The following REDIC1 variants were observed in gnomAD, a reference collection of about 807,000 sequenced individuals.
REDIC1 encodes HEI10 Interacting Protein 1.
At chr12:39,663,401 C>T in the REDIC1 span, among the ~76,000 whole-genome samples, 5 of 151,966 alleles carry the variant, frequency 3.3e-5, no homozygotes, top group South Asian at 2.1e-4. Context: ...GACTTAAAGC[C>T]TGCTCACTTT....
the REDIC1 span, among the ~76,000 whole-genome samples, chr12:39,638,643 G>A: frequency 6.6e-6 from 1 of 151,970 alleles, no homozygotes; most frequent in Non-Finnish European, 1.5e-5. Context: ...ACAATATTTA[G>A]TTTATGTGGA....
At chr12:39,680,288 C>A in the REDIC1 span, among the ~76,000 whole-genome samples, 5 of 151,854 alleles carry the variant, frequency 3.3e-5, no homozygotes, top group Non-Finnish European at 1.5e-5. Context: ...AAGAAAAAAA[C>A]AAGTAATCCC....
the REDIC1 span, chr12:39,626,437 A>G: frequency 2.5e-6 from 4 of 1,579,352 alleles, no homozygotes; most frequent in African/African-American, 2.7e-5. Context: ...CGGAGAGGTC[A>G]CAGCCTTAGC....
At chr12:39,643,881 A>G in the REDIC1 span, 2 of 1,565,900 alleles carry the variant, frequency 1.3e-6, no homozygotes, top group Admixed American at 1.9e-5. Context: ...TAACCTATAT[A>G]TGGTAAATCA....
the REDIC1 span, among the ~76,000 whole-genome samples, chr12:39,790,569 A>G: frequency 1.4e-5 from 2 of 147,092 alleles, no homozygotes; most frequent in Admixed American, 6.8e-5. Context: ...TTATGGCTGC[A>G]TAGTATTCCA....
the REDIC1 span, among the ~76,000 whole-genome samples, chr12:39,718,148 C>T: frequency 6.6e-6 from 1 of 152,040 alleles, no homozygotes; most frequent in Non-Finnish European, 1.5e-5. Flanking sequence ...ATGGTATAAT[C>T]CTTCCAGAAT....
chr12:39,753,211 A>C, the REDIC1 span, among the ~76,000 whole-genome samples: 1 of 152,336 alleles, frequency 6.6e-6, no homozygotes, highest in African/African-American at 2.4e-5. Context: ...CAAAACATTA[A>C]AGGTTAAAAG....
the REDIC1 span, among the ~76,000 whole-genome samples, chr12:39,639,320 C>G: frequency 6.6e-6 from 1 of 151,954 alleles, no homozygotes; most frequent in Non-Finnish European, 1.5e-5. Flanking sequence ...GCTAATGAGT[C>G]AGCTGGACTC....
chr12:39,700,328 G>GA, the REDIC1 span, among the ~76,000 whole-genome samples: 1 of 152,208 alleles, frequency 6.6e-6, no homozygotes, highest in Non-Finnish European at 1.5e-5. Context: ...TCAACTGGAA[G>GA]AAAGGGTATC....
the REDIC1 span, among the ~76,000 whole-genome samples, chr12:39,714,058 C>G: frequency 1.3e-4 from 1 of 7,876 alleles, no homozygotes; most frequent in Admixed American, 1.7e-3. Flanking sequence ...TGTATATACA[C>G]GTATGTGTAT....
chr12:39,851,027 G>A, the REDIC1 span, among the ~76,000 whole-genome samples: 1 of 151,922 alleles, frequency 6.6e-6, no homozygotes, highest in East Asian at 1.9e-4. Flanking sequence ...AGCCTCCTGA[G>A]TAGCTGGGAT....
the REDIC1 span, among the ~76,000 whole-genome samples, chr12:39,665,769 T>A: frequency 2.6e-5 from 4 of 151,986 alleles, no homozygotes; most frequent in South Asian, 8.3e-4. Flanking sequence ...TTTGTAGTTC[T>A]CCTTGAAGAG....
the REDIC1 span, among the ~76,000 whole-genome samples, chr12:39,648,194 A>G: frequency 6.6e-6 from 1 of 152,042 alleles, no homozygotes; most frequent in Non-Finnish European, 1.5e-5. Flanking sequence ...TTTAAAAAAA[A>G]TCTTGGAATG....
chr12:39,675,630 T>G, the REDIC1 span, among the ~76,000 whole-genome samples: 1 of 152,242 alleles, frequency 6.6e-6, no homozygotes, highest in Non-Finnish European at 1.5e-5. Context: ...ACAACTTCAC[T>G]GCTAGCATAA....
At chr12:39,695,024 G>A in the REDIC1 span, among the ~76,000 whole-genome samples, 2 of 152,028 alleles carry the variant, frequency 1.3e-5, no homozygotes, top group Non-Finnish European at 2.9e-5. Flanking sequence ...TATCCTTGAA[G>A]GGAAGGACCC....
At chr12:39,721,897 A>T in the REDIC1 span, 1 of 152,146 alleles carries the variant, frequency 6.6e-6, no homozygotes, top group African/African-American at 2.4e-5. Flanking sequence ...GAAATTAAAA[A>T]ATGATTTATG....
chr12:39,647,952 C>A, the REDIC1 span: 1 of 1,568,024 alleles, frequency 6.4e-7, no homozygotes, highest in Non-Finnish European at 8.6e-7. Context: ...CAGAAACTTG[C>A]ATATGAAAAA....
the REDIC1 span, among the ~76,000 whole-genome samples, chr12:39,811,131 C>A: frequency 6.6e-6 from 1 of 151,908 alleles, no homozygotes; most frequent in African/African-American, 2.4e-5. Flanking sequence ...ATATGTGTCA[C>A]CAGGAATTTT....
chr12:39,647,676 C>T, the REDIC1 span: 1 of 734,410 alleles, frequency 1.4e-6, no homozygotes, highest in Non-Finnish European at 2.0e-6. Flanking sequence ...TGCCTTAGGA[C>T]ATTTTCTTTT....
Sources: allele counts gnomAD v4.1 joint callset (sites outside exome capture counted in the v4.1 genomes callset), GRCh38; gene constraint gnomAD v4.1.1; transcripts MANE v1.5; gene names NCBI Gene and HGNC (gene_info 2026-07-23, HGNC 2026-07-21).